The following UBE2N variants were observed in gnomAD, a reference collection of about 807,000 sequenced individuals.
UBE2N encodes the protein ubiquitin conjugating enzyme E2 N.
For missense variants in UBE2N, 60 were observed against 192.1 expected (o/e 0.31, Z 4.07); for synonymous variants, 70 against 69.2 (o/e 1.01, Z -0.06).
chr12:93,439,894 G>C (rs76911406), intron 1 of UBE2N, among the ~76,000 whole-genome samples: 1 of 117,020 alleles, frequency 8.5e-6, no homozygotes, highest in East Asian at 2.6e-4. Flanking sequence ...ATGAGTTACT[G>C]TCTTAGTTTC....
Position 93,407,827 on chromosome 12 carries a change from G to A in UBE2N, c.*2212C>T, listed in dbSNP as rs915326339. On this transcript the variant is annotated 3_prime_UTR_variant, in exon 4 of 4. Transcript: ENST00000318066. The stretch of plus-strand genomic sequence containing the variant: ...CCAGAGCCCCTTAAGTCCTAAGAAG[G>A]CTCAGTCAACACACTGGCACTCGTT... The A allele has an allele frequency of 6.6e-6, 1 of 152,168 alleles. No individual in the cohort carries two copies. Among genetic ancestry groups the A allele is most frequent in the Non-Finnish European group, 1.5e-5 (1 of 68,038 alleles). 9.4% of individuals were successfully genotyped at this position (152,168 alleles called of 1,614,324 possible).
In UBE2N at chr12:93,406,750, G is replaced by C. The variant is rs1388611133; in HGVS notation, c.*3289C>G. On this transcript the variant is annotated 3_prime_UTR_variant, in exon 4 of 4. Transcript: ENST00000318066. ...TAACATAAGCGGGAGGATTTGTGTA[G>C]ATTGTATGCATATACAACATCATTT... 1.3e-5 allele frequency: 2 copies of C among 152,176 alleles called. No homozygotes were observed. Among genetic ancestry groups the C allele is most frequent in the African/African-American group, 2.4e-5 (1 of 41,426 alleles). 9.4% of individuals were successfully genotyped at this position (152,176 alleles called of 1,614,324 possible).
At chr12:93,417,522 T>C (rs1878257369) in intron 1 of UBE2N, among the ~76,000 whole-genome samples, 1 of 152,232 alleles carries the variant, frequency 6.6e-6, no homozygotes, top group Non-Finnish European at 1.5e-5. Context: ...GTGAGAAAAG[T>C]TGGTCCAGTT....
chr12:93,416,846 C>T (rs1878228564), intron 1 of UBE2N, among the ~76,000 whole-genome samples: 1 of 138,294 alleles, frequency 7.2e-6, no homozygotes. Context: ...ATAGTGAGAC[C>T]CCATCACTAC....
chr12:93,435,122 T>C (rs1878895779), intron 1 of UBE2N, among the ~76,000 whole-genome samples: 1 of 152,160 alleles, frequency 6.6e-6, no homozygotes, highest in Non-Finnish European at 1.5e-5. Flanking sequence ...TGGTAACTTT[T>C]CCATGCCTTT....
intron 1 of UBE2N, among the ~76,000 whole-genome samples, chr12:93,432,485 A>AAAAAC (rs200670705): frequency 6.6e-6 from 1 of 151,464 alleles, no homozygotes; most frequent in Non-Finnish European, 1.5e-5. Flanking sequence ...ACAAAAAAAA[A>AAAAAC]AAAACAAAAC....
At chr12:93,430,342 A>T (rs1878723241) in intron 1 of UBE2N, among the ~76,000 whole-genome samples, 1 of 152,154 alleles carries the variant, frequency 6.6e-6, no homozygotes, top group Non-Finnish European at 1.5e-5. Flanking sequence ...ACAATGATGA[A>T]ATTGCCTATG....
At chr12:93,437,905 G>A (rs577412276) in intron 1 of UBE2N, among the ~76,000 whole-genome samples, 1 of 152,304 alleles carries the variant, frequency 6.6e-6, no homozygotes, top group Admixed American at 6.5e-5. Context: ...TGCTCTATGT[G>A]TGCATTTCCT....
At chr12:93,419,007 T>C (rs1878313150) in intron 1 of UBE2N, among the ~76,000 whole-genome samples, 2 of 152,198 alleles carry the variant, frequency 1.3e-5, no homozygotes, top group Admixed American at 6.5e-5. Flanking sequence ...TGTTACTGCC[T>C]GGTCATTATG....
chr12:93,436,370 C>T (rs745457491), intron 1 of UBE2N, among the ~76,000 whole-genome samples: 2 of 152,180 alleles, frequency 1.3e-5, no homozygotes, highest in Non-Finnish European at 2.9e-5. Flanking sequence ...TCCCAAAGTA[C>T]TGAGATTATA....
At chr12:93,431,486 A>G (rs962153890) in intron 1 of UBE2N, among the ~76,000 whole-genome samples, 4 of 152,220 alleles carry the variant, frequency 2.6e-5, no homozygotes, top group Admixed American at 2.0e-4. Context: ...TAGCTATAAA[A>G]TAGGAATGAT....
chr12:93,418,374 CA>C (rs1341070481), intron 1 of UBE2N, among the ~76,000 whole-genome samples: 1 of 151,922 alleles, frequency 6.6e-6, no homozygotes, highest in African/African-American at 2.4e-5. Context: ...AAAAACAAAA[CA>C]AAACAAAACA....
chr12:93,426,434 G>A (rs1241292082), intron 1 of UBE2N, among the ~76,000 whole-genome samples: 1 of 148,276 alleles, frequency 6.7e-6, no homozygotes, highest in Non-Finnish European at 1.5e-5. Flanking sequence ...AAATAGCCCT[G>A]AGAATAACTA....
At chr12:93,421,988 A>G (rs2121074492) in intron 1 of UBE2N, among the ~76,000 whole-genome samples, 1 of 152,380 alleles carries the variant, frequency 6.6e-6, no homozygotes, top group South Asian at 2.1e-4. Flanking sequence ...TACTATTAAT[A>G]TATGAAGAGC....
At position 93,434,475 on chromosome 12, in the gene UBE2N, A is replaced by G. The variant is rs1206336794; in HGVS notation, c.30+7380T>C. 2.0e-5 allele frequency among the ~76,000 whole-genome samples: 3 copies of G among 152,232 alleles called. No homozygotes were observed. In the East Asian group the frequency reaches 5.8e-4, roughly 29 times the overall value. On this transcript the variant is annotated intron_variant, in intron 1 of 3. Coordinates refer to ENST00000318066, the MANE Select transcript of UBE2N (RefSeq NM_003348.4). ...GGAGTTGATCAATCTGGACTAAAGGAACTGCTTGACACAGAGGAGCTTAAA... is the reference window on the plus strand; with the variant it reads ...GGAGTTGATCAATCTGGACTAAAGGGACTGCTTGACACAGAGGAGCTTAAA...
chr12:93,430,954 C>T (rs571922042), intron 1 of UBE2N, among the ~76,000 whole-genome samples: 3 of 150,910 alleles, frequency 2.0e-5, no homozygotes, highest in East Asian at 1.9e-4. Flanking sequence ...CACAGCCAAG[C>T]GCAGTGGCTC....
chr12:93,415,580 T>C (rs1468817827), intron 1 of UBE2N, among the ~76,000 whole-genome samples: 2 of 152,220 alleles, frequency 1.3e-5, no homozygotes, highest in African/African-American at 4.8e-5. Context: ...GAGGCTGGTC[T>C]TCATTTTTTA....
intron 1 of UBE2N, 83 bp downstream of exon 1, chr12:93,441,772 G>T: frequency 6.5e-7 from 1 of 1,542,242 alleles, no homozygotes; most frequent in Non-Finnish European, 8.7e-7. Flanking sequence ...GCCGCGGGCC[G>T]AAGGAGGCGA....
At chr12:93,423,742 T>C (rs1243137569) in intron 1 of UBE2N, among the ~76,000 whole-genome samples, 1 of 152,232 alleles carries the variant, frequency 6.6e-6, no homozygotes, top group African/African-American at 2.4e-5. Context: ...GAATACTTTA[T>C]TATTATTAGA....
Sources: gnomAD v4.1 joint callset for allele counts (sites outside exome capture counted in the v4.1 genomes callset) on GRCh38, gnomAD v4.1.1 for gene constraint, MANE v1.5 for transcripts, NCBI Gene and HGNC (gene_info 2026-07-23, HGNC 2026-07-21) for gene names.